CUZD1: variants seen among roughly 807,000 people sequenced by gnomAD.
The protein encoded by CUZD1 is CUB and zona pellucida like domains 1.
In CUZD1, 42 loss-of-function variants were observed where a neutral mutation model predicts 53.1. The ratio of observed to expected loss-of-function variants is 0.79; its 90% CI spans 0.62 to 1.02. The LOEUF (loss-of-function observed/expected upper bound fraction) is 1.02. CUZD1 is among the 50% of genes least tolerant of loss of function. CUZD1 has a pLI of 0.00. For synonymous variants in CUZD1, 238 were observed against 257.2 expected (o/e 0.93, Z 0.71); for missense variants, 670 against 715.7 (o/e 0.94, Z 0.73).
intron 5 of CUZD1, among the ~76,000 whole-genome samples, chr10:122,836,602 G>T (rs1216403554): frequency 6.6e-6 from 1 of 152,172 alleles, no homozygotes; most frequent in East Asian, 1.9e-4. Flanking sequence ...AAGGGAAACA[G>T]TCCATATTAT....
chr10:122,839,287 A>G, intron 2 of CUZD1, 56 bp from the exon 3 acceptor site: 1 of 1,495,904 alleles, frequency 6.7e-7, no homozygotes, highest in South Asian at 1.1e-5. Flanking sequence ...GGGGGTTTGC[A>G]GAGCAGTCAA....
Position 122,833,752 on chromosome 10 carries a change from A to G in CUZD1, c.1571T>C (p.Ile524Thr), listed in dbSNP as rs371754237. 318 of 1,614,002 alleles carry G rather than the reference A, an allele frequency of 2.0e-4. No individual in the cohort carries two copies. The highest frequency in any genetic ancestry group is 2.6e-4 in the Non-Finnish European group (302 of 1,179,970). ...QGCVSRSKRD[I>T]SSYKWKTDSI... Reference sequence around the variant, plus strand: ...ATCTGTTTTCCATTTATATGAAGAAATGTCTCGTTTGCTTCTGGAGACACA... The same window carrying G: ...ATCTGTTTTCCATTTATATGAAGAAGTGTCTCGTTTGCTTCTGGAGACACA... The change falls in exon 8 of 9, where the codon ATT (isoleucine) becomes ACT (threonine). Residue 524 changes from isoleucine (I) to threonine (T), a missense_variant. Coordinates refer to ENST00000392790, the MANE Select transcript of CUZD1 (RefSeq NM_022034.6).
intron 8 of CUZD1, among the ~76,000 whole-genome samples, chr10:122,833,447 T>C (rs146308458): frequency 2.1e-3 from 324 of 152,310 alleles, no homozygotes; most frequent in Non-Finnish European, 3.8e-3. Context: ...AAAATCCAAA[T>C]GAATAATGGC....
chr10:122,839,279 G>C, intron 2 of CUZD1, 48 bp from the exon 3 acceptor site: 2 of 1,552,258 alleles, frequency 1.3e-6, no homozygotes, highest in Non-Finnish European at 1.8e-6. Context: ...CAAGCAAAGG[G>C]GGTTTGCAGA....
chr10:122,839,295 C>A, intron 2 of CUZD1, 64 bp from the exon 3 acceptor site: 1 of 1,387,144 alleles, frequency 7.2e-7, no homozygotes, highest in South Asian at 1.2e-5. Context: ...GCAGAGCAGT[C>A]AATTGCTCAC....
At chr10:122,835,536 C>T (rs1462647418) in intron 6 of CUZD1, among the ~76,000 whole-genome samples, 1 of 152,162 alleles carries the variant, frequency 6.6e-6, no homozygotes, top group Non-Finnish European at 1.5e-5. Context: ...GTAATAAAGA[C>T]TGTGCGTTCA....
chr10:122,834,769 T>C lies in CUZD1; in HGVS notation c.1319A>G (p.Asp440Gly). The C allele has an allele frequency of 6.2e-7, 1 of 1,613,748 alleles. No individual in the cohort carries two copies. The highest frequency in any genetic ancestry group is 8.5e-7 in the Non-Finnish European group (1 of 1,179,768). Residue 440 changes from aspartate (D) to glycine (G), a missense_variant, in exon 7 of 9, where the codon GAT becomes GGT. Asp to Gly is a moderately conservative substitution (Grantham distance 94). Coordinates refer to ENST00000392790, the MANE Select transcript of CUZD1 (RefSeq NM_022034.6). ...TSDPNLVVFL[D>G]TCRASPTSDF... ...AGAGGTGGGAGAGGCTCTACAGGTA[T>C]CAAGAAACACCACCAAATTTGGATC...
In CUZD1 at chr10:122,833,651, ATGGAAT is replaced by A. The variant is rs1186941832; in HGVS notation, c.1651+15_1651+20del. 23 of 1,607,668 alleles carry A rather than the reference ATGGAAT, an allele frequency of 1.4e-5. No individual in the cohort carries two copies. Among genetic ancestry groups the A allele is most frequent in the Non-Finnish European group, 2.0e-5 (23 of 1,176,342 alleles). On this transcript the variant is annotated intron_variant, in intron 8 of 8. Coordinates refer to ENST00000392790, the MANE Select transcript of CUZD1 (RefSeq NM_022034.6). ...ATGAGCCATGATGTGCTTTTGGATC[ATGGAAT>A]AGCTTTTTTCTTACCTGAATTGCCA...
intron 6 of CUZD1, among the ~76,000 whole-genome samples, chr10:122,835,694 A>G (rs1847238606): frequency 6.6e-6 from 1 of 152,188 alleles, no homozygotes; most frequent in South Asian, 2.1e-4. Flanking sequence ...AATGTTTGAA[A>G]TCTTGAATGG....
At position 122,833,938 on chromosome 10, in the gene CUZD1, C is replaced by T. The variant is rs1242843548; in HGVS notation, c.1385G>A (p.Cys462Tyr). 3 of 1,610,028 alleles carry T rather than the reference C, an allele frequency of 1.9e-6. No individual in the cohort carries two copies. Among genetic ancestry groups the T allele is most frequent in the Non-Finnish European group, 2.5e-6 (3 of 1,177,914 alleles). Residue 462 changes from cysteine (C) to tyrosine (Y), a missense_variant and splice_region_variant, in exon 8 of 9, where the codon TGT (cysteine) becomes TAT (tyrosine). Cys to Tyr is a radical substitution (Grantham distance 194, BLOSUM62 -2). Transcript: ENST00000392790. ...SPTYDLIKSG[C>Y]SRDETCKVYP... ...CACCTTACAAGTTTCATCTCGACTACATCTGGAACAGAATTTATGAACATG... is the reference window on the plus strand; with the variant it reads ...CACCTTACAAGTTTCATCTCGACTATATCTGGAACAGAATTTATGAACATG...
chr10:122,834,619 A>G (rs1847216838), intron 7 of CUZD1, 87 bp downstream of exon 7: 1 of 1,121,470 alleles, frequency 8.9e-7, no homozygotes, highest in African/African-American at 1.6e-5. Context: ...AAAAATGTAT[A>G]TATACACAAC....
At chr10:122,835,206 G>T in intron 6 of CUZD1, 109 bp from the exon 7 acceptor site, 2 of 758,244 alleles carry the variant, frequency 2.6e-6, no homozygotes, top group South Asian at 2.5e-5. Flanking sequence ...TAAATCACGA[G>T]GTAACAGCTT....
Position 122,841,333 on chromosome 10 carries a change from T to C in CUZD1, c.83-5A>G. ...TGACTGTGCAGCTTGCATTGCCTGT[T>C]AGAGATCACAGATGGCACTCAGGAA... On this transcript the variant is annotated splice_region_variant and splice_polypyrimidine_tract_variant and intron_variant, in intron 1 of 8. Coordinates refer to ENST00000392790, the MANE Select transcript of CUZD1 (RefSeq NM_022034.6). 1 of 1,592,094 alleles carries C rather than the reference T, an allele frequency of 6.3e-7. No individual in the cohort carries two copies. The highest frequency in any genetic ancestry group is 1.1e-5 in the South Asian group (1 of 87,272).
Position 122,833,672 on chromosome 10 carries a change from C to T in CUZD1, c.1651G>A (p.Gly551Arg). ...KRDRSASGNSGFQHETHAEET... is the reference protein window; with the variant it reads ...KRDRSASGNSRFQHETHAEET... Reference sequence around the variant, plus strand: ...GATCATGGAATAGCTTTTTTCTTACCTGAATTGCCACTTGCACTTCGATCC... The same window carrying T: ...GATCATGGAATAGCTTTTTTCTTACTTGAATTGCCACTTGCACTTCGATCC... Residue 551 changes from glycine (G) to arginine (R), a missense_variant and splice_region_variant, in exon 8 of 9, where the codon GGA becomes AGA. Coordinates refer to ENST00000392790, the MANE Select transcript of CUZD1 (RefSeq NM_022034.6). 6.2e-7 allele frequency: 1 copy of T among 1,610,796 alleles called. No individual in the cohort carries two copies. Among genetic ancestry groups the T allele is most frequent in the Admixed American group, 1.7e-5 (1 of 59,600 alleles).
At chr10:122,835,463 T>C (rs527492354) in intron 6 of CUZD1, among the ~76,000 whole-genome samples, 1 of 152,312 alleles carries the variant, frequency 6.6e-6, no homozygotes, top group African/African-American at 2.4e-5. Flanking sequence ...GTTTCCAAAA[T>C]ATATGTAGAC....
intron 8 of CUZD1, among the ~76,000 whole-genome samples, chr10:122,833,341 G>T (rs557443022): frequency 6.6e-6 from 1 of 151,958 alleles, no homozygotes; most frequent in South Asian, 2.1e-4. Flanking sequence ...AAAACACATT[G>T]CTTTTGATTC....
intron 1 of CUZD1, among the ~76,000 whole-genome samples, chr10:122,844,434 T>C (rs1321659826): frequency 1.3e-5 from 2 of 152,192 alleles, no homozygotes; most frequent in Non-Finnish European, 2.9e-5. Context: ...CTAAATTGTA[T>C]ACTTTAAAAT....
Position 122,832,163 on chromosome 10 carries a change from G to T in CUZD1, c.*115C>A. On this transcript the variant is annotated 3_prime_UTR_variant, in exon 9 of 9. Transcript: ENST00000392790. ...AACACACCGACACAGTGACATGCAG[G>T]CCTGTGTGTCACTTTCAGGCCCTTC... The T allele has an allele frequency of 1.0e-6, 1 of 954,084 alleles. No individual in the cohort carries two copies. The highest frequency in any genetic ancestry group is 1.6e-6 in the Non-Finnish European group (1 of 611,602). 59.1% of individuals were successfully genotyped at this position (954,084 alleles called of 1,614,324 possible). A position where few individuals can be genotyped will look rare whatever the true frequency, so the allele number is the denominator to read the frequency against.
intron 2 of CUZD1, among the ~76,000 whole-genome samples, chr10:122,840,231 T>A (rs1428538138): frequency 6.6e-6 from 1 of 152,200 alleles, no homozygotes; most frequent in Non-Finnish European, 1.5e-5. Flanking sequence ...CTCAAAAGTG[T>A]GGTACTTGGA....
Sources: gnomAD v4.1 joint callset for allele counts (sites outside exome capture counted in the v4.1 genomes callset) on GRCh38, gnomAD v4.1.1 for gene constraint, MANE v1.5 for transcripts, NCBI Gene and HGNC (gene_info 2026-07-23, HGNC 2026-07-21) for gene names.